Variants in NTRK3 observed in about 807,000 individuals in gnomAD.
NTRK3 encodes neurotrophic receptor tyrosine kinase 3.
NTRK3 carries 24 observed loss-of-function variants against 91.7 expected under a neutral mutation model. The observed-to-expected ratio is 0.26, with a 90% CI of 0.19 to 0.37. The LOEUF (loss-of-function observed/expected upper bound fraction) is 0.37, where lower values mean the gene tolerates loss of function less well. Among genes scored for constraint, NTRK3 ranks in the 10% least tolerant of loss-of-function variants. The pLI is 1.00. For synonymous variants in NTRK3, 483 were observed against 404.0 expected (o/e 1.20, Z -2.34); for missense variants, 880 against 1,068.9 (o/e 0.82, Z 2.46).
intron 14 of NTRK3, among the ~76,000 whole-genome samples, chr15:88,003,242 G>A (rs1047191199): frequency 6.6e-6 from 1 of 152,228 alleles, no homozygotes; most frequent in Non-Finnish European, 1.5e-5. Flanking sequence ...AAACTGGGAG[G>A]CGTAGAAGCA....
intron 13 of NTRK3, among the ~76,000 whole-genome samples, chr15:88,066,759 G>T (rs189189535): frequency 6.6e-6 from 1 of 152,150 alleles, no homozygotes; most frequent in Non-Finnish European, 1.5e-5. Context: ...AACAGTGCCA[G>T]CCTGGGATGG....
chr15:87,947,022 G>A (rs939532077), intron 14 of NTRK3, among the ~76,000 whole-genome samples: 1 of 151,816 alleles, frequency 6.6e-6, no homozygotes, highest in African/African-American at 2.4e-5. Context: ...GGGATTTCAG[G>A]TGCGTGCCAC....
At chr15:88,091,691 G>T (rs1238818363) in intron 13 of NTRK3, among the ~76,000 whole-genome samples, 2 of 152,184 alleles carry the variant, frequency 1.3e-5, no homozygotes, top group Non-Finnish European at 2.9e-5. Context: ...ACATCAATTA[G>T]TGATGTCTGC....
chr15:88,229,462 T>A (rs1459420199), intron 3 of NTRK3, among the ~76,000 whole-genome samples: 1 of 152,194 alleles, frequency 6.6e-6, no homozygotes, highest in African/African-American at 2.4e-5. Flanking sequence ...ATCTTCCATA[T>A]GAACCTTCAA....
intron 3 of NTRK3, among the ~76,000 whole-genome samples, chr15:88,205,506 G>C (rs1483955001): frequency 6.6e-6 from 1 of 152,134 alleles, no homozygotes; most frequent in African/African-American, 2.4e-5. Context: ...CTTCCTAGGA[G>C]GCTACAAACT....
chr15:88,155,189 A>T (rs907787384), intron 5 of NTRK3, among the ~76,000 whole-genome samples: 2 of 152,212 alleles, frequency 1.3e-5, no homozygotes, highest in African/African-American at 4.8e-5. Context: ...GAATTATCCC[A>T]TGGTCCCAAG....
Position 87,912,473 on chromosome 15 carries a change from G to T in NTRK3, c.2133+16718C>A, listed in dbSNP as rs138370711. 7.2e-5 allele frequency among the ~76,000 whole-genome samples: 11 copies of T among 152,206 alleles called. No homozygotes were observed. The East Asian group carries it at 1.7e-3, about 24-fold the overall frequency. ...AATCTCTCTGAGCTTTAATTTACTT[G>T]TCTGTAAATAGGGAGAATCATGCCA... is the stretch of plus-strand genomic sequence containing the variant. On this transcript the variant is annotated intron_variant, in intron 17 of 18. Transcript: ENST00000394480.
intron 5 of NTRK3, among the ~76,000 whole-genome samples, chr15:88,166,796 C>A (rs769607758): frequency 2.6e-5 from 4 of 152,114 alleles, no homozygotes; most frequent in Non-Finnish European, 5.9e-5. Context: ...ACCTTGAGCA[C>A]GTTACATAAC....
At chr15:87,994,600 G>A (rs1328417751) in intron 14 of NTRK3, among the ~76,000 whole-genome samples, 1 of 152,152 alleles carries the variant, frequency 6.6e-6, no homozygotes, top group African/African-American at 2.4e-5. Flanking sequence ...CTCCAGAACC[G>A]AGAAAATAAA....
chr15:87,899,131 T>C (rs994873803), intron 17 of NTRK3, among the ~76,000 whole-genome samples: 1 of 152,196 alleles, frequency 6.6e-6, no homozygotes, highest in African/African-American at 2.4e-5. Flanking sequence ...ATCTTATAAA[T>C]ATTTGCAAGA....
At chr15:87,925,468 C>CACACACAA (rs1164318504) in intron 17 of NTRK3, 1 of 201,768 alleles carries the variant, frequency 5.0e-6, no homozygotes, top group Non-Finnish European at 1.0e-5. Flanking sequence ...CACACACACA[C>CACACACAA]AGGCCTGGAT....
At chr15:87,977,349 G>C (rs1278409491) in intron 14 of NTRK3, 1 of 186,602 alleles carries the variant, frequency 5.4e-6, no homozygotes, top group Non-Finnish European at 1.1e-5. Flanking sequence ...CCAAATAAGA[G>C]GTCTGATTCA....
chr15:88,043,074 C>G (rs887906184), intron 13 of NTRK3, among the ~76,000 whole-genome samples: 3 of 152,168 alleles, frequency 2.0e-5, no homozygotes, highest in African/African-American at 7.2e-5. Flanking sequence ...ACTCCAAACC[C>G]ACAACTGTGG....
At chr15:87,971,852 T>C (rs772162800) in intron 14 of NTRK3, among the ~76,000 whole-genome samples, 5 of 152,170 alleles carry the variant, frequency 3.3e-5, no homozygotes, top group Admixed American at 6.5e-5. Context: ...TTAAGAGAAG[T>C]GCGTTTTTGA....
intron 10 of NTRK3, among the ~76,000 whole-genome samples, chr15:88,130,295 G>T (rs761293085): frequency 2.0e-5 from 3 of 152,054 alleles, no homozygotes; most frequent in Non-Finnish European, 4.4e-5. Context: ...CCTTACAAGA[G>T]AATTCTGATT....
chr15:87,994,242 T>C (rs148073494), intron 14 of NTRK3, among the ~76,000 whole-genome samples: 72 of 152,034 alleles, frequency 4.7e-4, no homozygotes, highest in East Asian at 1.7e-3. Flanking sequence ...CTGTTAGGGA[T>C]TGAATTGTGC....
At chr15:87,927,827 T>A (rs1204783495) in intron 17 of NTRK3, 1 of 152,186 alleles carries the variant, frequency 6.6e-6, no homozygotes, top group Non-Finnish European at 1.5e-5. Flanking sequence ...AACTTCAGTT[T>A]TTTGTAACCT....
rs550686966 is a variant in NTRK3, at chr15:88,234,900, T to C, written c.248+21006A>G. ...TCAGCCCTGCTCCCAGGGCCTCCTA[T>C]CCAGCCCCCGACACACTTCCAGCCC... On this transcript the variant is annotated intron_variant, in intron 3 of 18. Transcript: ENST00000394480. This position sits in a 1 kb window ranked among gnomAD's most constrained non-coding sequence, Gnocchi z 6.1. Among the ~76,000 whole-genome samples the C allele has an allele frequency of 2.3e-3, 348 of 152,118 alleles. 1 individual carries two copies. Among genetic ancestry groups the C allele is most frequent in the African/African-American group, 8.2e-3 (341 of 41,496 alleles).
At chr15:88,211,158 G>C (rs903596486) in intron 3 of NTRK3, among the ~76,000 whole-genome samples, 4 of 152,120 alleles carry the variant, frequency 2.6e-5, no homozygotes, top group African/African-American at 9.7e-5. Flanking sequence ...AAAATATCCT[G>C]TATCTATTGA....
Sources: gnomAD v4.1 joint callset for allele counts (sites outside exome capture counted in the v4.1 genomes callset) on GRCh38, gnomAD v4.1.1 for gene constraint, Gnocchi (gnomAD v3.1) non-coding constraint, MANE v1.5 for transcripts, NCBI Gene and HGNC (gene_info 2026-07-23, HGNC 2026-07-21) for gene names.